PRRT1B: variants seen among roughly 807,000 people sequenced by gnomAD.
PRRT1B encodes the protein dispanin subfamily D member 2.
exon 1 of PRRT1B, chr9:131,545,581 C>G (rs1445130666): frequency 2.5e-6 from 1 of 397,692 alleles, no homozygotes; most frequent in East Asian, 3.6e-5. Flanking sequence ...GGCCAGGGAG[C>G]CGCGCAGCCC....
chr9:131,559,238 T>C (rs1014347651), downstream of PRRT1B, among the ~76,000 whole-genome samples: 6 of 151,326 alleles, frequency 4.0e-5, no homozygotes, highest in African/African-American at 1.5e-4. Flanking sequence ...GAGTCAGGAG[T>C]TCAAGACCAA....
chr9:131,553,762 A>G (rs1459269394), intron 1 of PRRT1B, among the ~76,000 whole-genome samples: 1 of 152,230 alleles, frequency 6.6e-6, no homozygotes, highest in Non-Finnish European at 1.5e-5. Flanking sequence ...ATGCCCACGC[A>G]GGTCAGGGGA....
At chr9:131,554,750 G>C (rs1258236165) in exon 2 of PRRT1B, 1 of 323,058 alleles carries the variant, frequency 3.1e-6, no homozygotes, top group Non-Finnish European at 5.6e-6. Flanking sequence ...AGCCCGCCCC[G>C]GAGGACGCCC....
At chr9:131,555,314 G>A (rs1337988772) in intron 2 of PRRT1B, among the ~76,000 whole-genome samples, 1 of 152,014 alleles carries the variant, frequency 6.6e-6, no homozygotes. Context: ...GGGAGGGCAG[G>A]AAGGTGGAAC....
intron 1 of PRRT1B, 53 bp from the exon 2 acceptor site, chr9:131,554,504 G>A: frequency 2.6e-6 from 1 of 377,662 alleles, no homozygotes; most frequent in East Asian, 3.8e-5. Flanking sequence ...GACCAGCGAC[G>A]TCCCACCTAG....
At chr9:131,559,263 C>T (rs990333999), downstream of PRRT1B, among the ~76,000 whole-genome samples, 1 of 152,166 alleles carries the variant, frequency 6.6e-6, no homozygotes, top group Non-Finnish European at 1.5e-5. Context: ...GCCAACATGG[C>T]GAAGTCCTGT....
chr9:131,552,694 A>ATTTTT, intron 1 of PRRT1B, among the ~76,000 whole-genome samples: 1 of 146,126 alleles, frequency 6.8e-6, no homozygotes, highest in Non-Finnish European at 1.5e-5. Context: ...TTTTTTTGAG[A>ATTTTT]CGGAGTCTCA....
intron 3 of PRRT1B, among the ~76,000 whole-genome samples, chr9:131,557,238 C>T (rs917629962): frequency 6.6e-6 from 1 of 152,112 alleles, no homozygotes; most frequent in Non-Finnish European, 1.5e-5. Flanking sequence ...TGATGACACT[C>T]TAATAGAGAC....
intron 1 of PRRT1B, among the ~76,000 whole-genome samples, chr9:131,553,733 C>T (rs1377086058): frequency 6.6e-6 from 1 of 152,232 alleles, no homozygotes; most frequent in Non-Finnish European, 1.5e-5. Context: ...GGGCTGCCCA[C>T]TTCTGCAGTG....
intron 1 of PRRT1B, 105 bp from the exon 2 acceptor site, chr9:131,554,452 C>T (rs1180034588): frequency 8.2e-6 from 3 of 363,954 alleles, no homozygotes; most frequent in Admixed American, 4.6e-5. Context: ...CCTATGAGGC[C>T]CAGCTGCAGA....
intron 3 of PRRT1B, among the ~76,000 whole-genome samples, chr9:131,556,768 A>ATT (rs1951053408): frequency 6.6e-6 from 1 of 152,068 alleles, no homozygotes; most frequent in Non-Finnish European, 1.5e-5. Flanking sequence ...AATAGCTGGG[A>ATT]TTACAGACGC....
chr9:131,556,628 C>T (rs1247499145), intron 3 of PRRT1B, among the ~76,000 whole-genome samples: 2 of 151,984 alleles, frequency 1.3e-5, no homozygotes, highest in Non-Finnish European at 2.9e-5. Flanking sequence ...ACCCACCCAT[C>T]CACCATCTCT....
chr9:131,559,327 T>C (rs543146720), downstream of PRRT1B, among the ~76,000 whole-genome samples: 19 of 152,206 alleles, frequency 1.2e-4, no homozygotes, highest in Non-Finnish European at 2.1e-4. Flanking sequence ...CCTGTAATCC[T>C]AGCTACTCGG....
At chr9:131,554,515 C>T (rs1245036143) in intron 1 of PRRT1B, 42 bp from the exon 2 acceptor site, 1 of 384,864 alleles carries the variant, frequency 2.6e-6, no homozygotes, top group Non-Finnish European at 4.6e-6. Flanking sequence ...TCCCACCTAG[C>T]CCGGCGGCCT....
At position 131,546,775 on chromosome 9, in the gene PRRT1B, G is replaced by A. The variant is rs188957268; in HGVS notation, c.25+1135G>A. The stretch of plus-strand genomic sequence containing the variant: ...CCACCCGAGGCCCCCGCCAGGCAGC[G>A]CCGCCAGCAGATTTATTTACTCTGG... On this transcript the variant is annotated intron_variant, in intron 1 of 3. Transcript: ENST00000636672. Among the ~76,000 whole-genome samples, 607 of 152,266 alleles carry A rather than the reference G, an allele frequency of 4.0e-3. 36 individuals carry two copies. The South Asian group carries it at 0.084, about 21-fold the overall frequency.
chr9:131,556,639 CTCT>C (rs1451428383), intron 3 of PRRT1B, among the ~76,000 whole-genome samples: 7 of 151,650 alleles, frequency 4.6e-5, no homozygotes, highest in African/African-American at 1.5e-4. Context: ...CACCATCTCT[CTCT>C]TTTTTTTTGA....
intron 1 of PRRT1B, among the ~76,000 whole-genome samples, chr9:131,547,175 G>C (rs191384167): frequency 6.7e-6 from 1 of 148,652 alleles, no homozygotes; most frequent in African/African-American, 2.5e-5. Flanking sequence ...AGGTTCAAGG[G>C]ATTCTCCCTC....
At chr9:131,547,775 G>A (rs761601981) in intron 1 of PRRT1B, among the ~76,000 whole-genome samples, 42 of 152,156 alleles carry the variant, frequency 2.8e-4, no homozygotes, top group African/African-American at 7.0e-4. Context: ...TCCAGTAAGC[G>A]GCCTCTCTTT....
exon 4 of PRRT1B, chr9:131,558,076 T>G (rs4740167): frequency 2.5e-6 from 1 of 399,964 alleles, no homozygotes; most frequent in Non-Finnish European, 4.4e-6. Flanking sequence ...TGGGCAGGGG[T>G]GACCTGGCCC....
Sources: allele counts gnomAD v4.1 joint callset (sites outside exome capture counted in the v4.1 genomes callset), GRCh38; gene constraint gnomAD v4.1.1; transcripts MANE v1.5; gene names NCBI Gene and HGNC (gene_info 2026-07-23, HGNC 2026-07-21).